The following TCERG1L variants were observed in gnomAD, a reference collection of about 807,000 sequenced individuals.
TCERG1L encodes transcription elongation regulator 1 like, also known as transcription elongation regulator 1-like protein.
TCERG1L carries 37 observed loss-of-function variants against 56.3 expected under a neutral mutation model. The observed-to-expected ratio is 0.66, with a 90% confidence interval of 0.51 to 0.87. The LOEUF is 0.87. Among genes scored for constraint, TCERG1L ranks in the 40% least tolerant of loss-of-function variants. The probability of loss-of-function intolerance (pLI) is 0.00; values close to 1 mark genes in which losing one functional copy is unlikely to be tolerated. For missense variants in TCERG1L, 799 were observed against 774.2 expected (o/e 1.03, Z -0.38); for synonymous variants, 324 against 326.3 (o/e 0.99, Z 0.08).
At chr10:131,108,378 C>T (rs1589776356) in intron 9 of TCERG1L, among the ~76,000 whole-genome samples, 1 of 152,056 alleles carries the variant, frequency 6.6e-6, no homozygotes, top group South Asian at 2.1e-4. Flanking sequence ...TTTCCTGGTC[C>T]TGGGGGACTG....
intron 9 of TCERG1L, 145 bp downstream of exon 9, chr10:131,116,654 G>C: frequency 1.8e-6 from 2 of 1,119,630 alleles, no homozygotes; most frequent in Non-Finnish European, 2.6e-6. Flanking sequence ...TCAGTAAGGA[G>C]GACACATCAT....
Position 131,311,529 on chromosome 10 carries a change from G to T in TCERG1L, c.107C>A (p.Pro36Gln). ...CGGCACCATCCAGACCCAGGGCGGCGGCGGCGGCGGCTCTGCGTCCATCGG... is the reference window on the plus strand; with the variant it reads ...CGGCACCATCCAGACCCAGGGCGGCTGCGGCGGCGGCTCTGCGTCCATCGG... ...LWPMDAEPPPPPPWVWMVPGS... is the reference protein window; with the variant it reads ...LWPMDAEPPPQPPWVWMVPGS... The change falls in exon 1 of 12, where the codon CCG becomes CAG. Residue 36 changes from proline to glutamine, a missense_variant. By Grantham distance (76) the Pro-to-Gln change is moderately conservative (BLOSUM62 -1). Coordinates refer to ENST00000368642, the MANE Select transcript of TCERG1L (RefSeq NM_174937.4). This position sits in a 1 kb window ranked among gnomAD's most constrained non-coding sequence, Gnocchi z 4.0. 3 of 1,198,710 alleles carry T rather than the reference G, an allele frequency of 2.5e-6. No homozygotes were observed. The highest frequency in any genetic ancestry group is 3.1e-6 in the Non-Finnish European group (3 of 964,682). The allele number at this position is 1,198,710 out of a possible 1,614,324, so 74.3% of individuals were successfully genotyped here. A position where few individuals can be genotyped will look rare whatever the true frequency, so the allele number is the denominator to read the frequency against.
intron 3 of TCERG1L, among the ~76,000 whole-genome samples, chr10:131,292,668 A>G (rs539713243): frequency 6.6e-6 from 1 of 152,250 alleles, no homozygotes; most frequent in South Asian, 2.1e-4. Context: ...GTGCAGATGG[A>G]GCTTCTTGTG....
At chr10:131,197,092 G>A (rs1280551573) in intron 4 of TCERG1L, among the ~76,000 whole-genome samples, 1 of 152,060 alleles carries the variant, frequency 6.6e-6, no homozygotes, top group Non-Finnish European at 1.5e-5. Context: ...GTCTGTCAGT[G>A]CCAGGGACCA....
chr10:131,139,899 T>C (rs1198168928), intron 7 of TCERG1L, among the ~76,000 whole-genome samples: 1 of 152,192 alleles, frequency 6.6e-6, no homozygotes, highest in African/African-American at 2.4e-5. Context: ...TGAGTGTGTT[T>C]GTAAGTCACT....
intron 4 of TCERG1L, among the ~76,000 whole-genome samples, chr10:131,169,638 G>A (rs1221679473): frequency 6.6e-6 from 1 of 152,204 alleles, no homozygotes; most frequent in Non-Finnish European, 1.5e-5. Flanking sequence ...GAGGAAGTCT[G>A]GAGGGGTCGT....
Position 131,190,887 on chromosome 10 carries a change from G to T in TCERG1L, c.857-24002C>A. On this transcript the variant is annotated intron_variant, in intron 4 of 11. Transcript: ENST00000368642. ...AACCAGAGAAATTAAACCCGAGAAA[G>T]AAATAAAAGGCATCCAAATTGGAAA... 1.4e-5 allele frequency among the ~76,000 whole-genome samples: 2 copies of T among 143,556 alleles called. 1 individual carries two copies. Among genetic ancestry groups the T allele is most frequent in the Non-Finnish European group, 3.1e-5 (2 of 65,182 alleles). The allele number at this position is 143,556 out of a possible 152,430, so 94.2% of individuals were successfully genotyped here. A position where few individuals can be genotyped will look rare whatever the true frequency, so the allele number is the denominator to read the frequency against.
Position 131,121,647 on chromosome 10 carries a change from G to A in TCERG1L, c.1260-4713C>T, listed in dbSNP as rs150981663. On this transcript the variant is annotated intron_variant, in intron 8 of 11. Coordinates refer to ENST00000368642, the MANE Select transcript of TCERG1L (RefSeq NM_174937.4). Reference sequence around the variant, plus strand: ...CCCAGCTGCAGCCCTGCAGACGGACGGCTCCACACACCCGTGCTCATAATG... The same window carrying A: ...CCCAGCTGCAGCCCTGCAGACGGACAGCTCCACACACCCGTGCTCATAATG... Among the ~76,000 whole-genome samples, 637 of 151,732 alleles carry A rather than the reference G, an allele frequency of 4.2e-3. 4 individuals are homozygous for A. Among genetic ancestry groups the A allele is most frequent in the African/African-American group, 0.014 (595 of 41,358 alleles).
At chr10:131,205,840 T>C (rs1845517584) in intron 4 of TCERG1L, among the ~76,000 whole-genome samples, 1 of 152,168 alleles carries the variant, frequency 6.6e-6, no homozygotes, top group South Asian at 2.1e-4. Context: ...GACGGGAGGC[T>C]GTGGGAGCCC....
intron 4 of TCERG1L, among the ~76,000 whole-genome samples, chr10:131,171,338 G>T (rs1304727174): frequency 6.6e-6 from 1 of 152,078 alleles, no homozygotes; most frequent in African/African-American, 2.4e-5. Context: ...GCCTGACCCG[G>T]GGTCAGGGTC....
In TCERG1L at chr10:131,114,231, T is replaced by C. The variant is rs1377850261; in HGVS notation, c.1395+2568A>G. Among the ~76,000 whole-genome samples the C allele has an allele frequency of 1.4e-5, 2 of 142,346 alleles. 1 individual carries two copies. The highest frequency in any genetic ancestry group is 3.2e-5 in the Non-Finnish European group (2 of 63,356). The allele number at this position is 142,346 out of a possible 152,430, so 93.4% of individuals were successfully genotyped here. A position where few individuals can be genotyped will look rare whatever the true frequency, so the allele number is the denominator to read the frequency against. ...CAAATCTTATTAATCACTCAGTCCA[T>C]GAAAAAGTGACCTTTCTATACCTCA... On this transcript the variant is annotated intron_variant, in intron 9 of 11. Transcript: ENST00000368642.
intron 4 of TCERG1L, among the ~76,000 whole-genome samples, chr10:131,212,931 G>T: frequency 6.6e-6 from 1 of 152,216 alleles, no homozygotes; most frequent in East Asian, 1.9e-4. Context: ...TTACCCAGAG[G>T]TTCCCCACAA....
At position 131,196,598 on chromosome 10, in the gene TCERG1L, TG is replaced by T. The variant is rs371077912; in HGVS notation, c.857-29714del. 5.3e-4 allele frequency among the ~76,000 whole-genome samples: 81 copies of T among 152,276 alleles called. No individual in the cohort carries two copies. In the Middle Eastern group the frequency reaches 0.017, roughly 32 times the overall value. ...TCTATGATCAGTGCCTGGACTTTCA[TG>T]GGGAAAGACGTAGAGGAGAGGGCAG... On this transcript the variant is annotated intron_variant, in intron 4 of 11. Transcript: ENST00000368642.
At chr10:131,275,651 G>C (rs937525800) in intron 3 of TCERG1L, among the ~76,000 whole-genome samples, 1 of 152,102 alleles carries the variant, frequency 6.6e-6, no homozygotes, top group Non-Finnish European at 1.5e-5. Flanking sequence ...GGTTCCCTCA[G>C]GTTCCAGAAA....
chr10:131,187,034 C>G (rs1168361850), intron 4 of TCERG1L, among the ~76,000 whole-genome samples: 2 of 152,200 alleles, frequency 1.3e-5, no homozygotes, highest in Non-Finnish European at 2.9e-5. Flanking sequence ...GCTCTTTGTC[C>G]TTCCAGCCCA....
chr10:131,291,947 A>G (rs1846632815), intron 3 of TCERG1L, among the ~76,000 whole-genome samples: 1 of 152,222 alleles, frequency 6.6e-6, no homozygotes, highest in African/African-American at 2.4e-5. Flanking sequence ...CAGCATCTAA[A>G]TAACTACTAA....
intron 4 of TCERG1L, among the ~76,000 whole-genome samples, chr10:131,217,191 C>G (rs1342525715): frequency 6.6e-6 from 1 of 152,090 alleles, no homozygotes; most frequent in Non-Finnish European, 1.5e-5. Flanking sequence ...CTGCTTGATG[C>G]TATTCTCGTG....
In TCERG1L at chr10:131,308,382, TAA is replaced by T; in HGVS notation, c.497_498del (p.Phe166Ter). ...GTTGAGTCCAGAGCAAAGGAATTAT[TAA>T]AAAAGATCTGTCGAAAAATAATGCA... ...DKRIPNCKIF[F>X]NNSFALDSTW... On this transcript the variant is annotated frameshift_variant, in exon 3 of 12. Coordinates refer to ENST00000368642, the MANE Select transcript of TCERG1L (RefSeq NM_174937.4). LOFTEE classifies it high-confidence loss of function. 6.2e-7 allele frequency: 1 copy of T among 1,612,612 alleles called. No homozygotes were observed. The highest frequency in any genetic ancestry group is 8.5e-7 in the Non-Finnish European group (1 of 1,179,324).
intron 6 of TCERG1L, among the ~76,000 whole-genome samples, chr10:131,154,651 G>A (rs1845900119): frequency 6.6e-6 from 1 of 152,176 alleles, no homozygotes; most frequent in Non-Finnish European, 1.5e-5. Context: ...CTGGCAGCTG[G>A]GTGAGGGACT....
Sources: allele counts gnomAD v4.1 joint callset (sites outside exome capture counted in the v4.1 genomes callset), GRCh38; gene constraint gnomAD v4.1.1; non-coding constraint Gnocchi (gnomAD v3.1); transcripts MANE v1.5; gene names NCBI Gene and HGNC (gene_info 2026-07-23, HGNC 2026-07-21).